SCHIP1: variants seen among roughly 807,000 people sequenced by gnomAD.
The protein encoded by SCHIP1 is schwannomin-interacting protein 1.
Under a neutral mutation model 29.7 loss-of-function variants are expected in SCHIP1, and 8 were observed. The ratio of observed to expected loss-of-function variants is 0.27; its 90% confidence interval spans 0.16 to 0.49. The LOEUF (loss-of-function observed/expected upper bound fraction) is 0.49, where lower values mean the gene tolerates loss of function less well. Among genes scored for constraint, SCHIP1 ranks in the 20% least tolerant of loss-of-function variants. The pLI, the probability that SCHIP1 is intolerant of heterozygous loss-of-function variation, is 0.99. For missense variants in SCHIP1, 193 were observed against 294.6 expected (o/e 0.66, Z 2.52); for synonymous variants, 76 against 94.9 (o/e 0.80, Z 1.16).
the SCHIP1 span, among the ~76,000 whole-genome samples, chr3:159,588,170 G>T: frequency 6.6e-6 from 1 of 152,206 alleles, no homozygotes; most frequent in African/African-American, 2.4e-5. Flanking sequence ...TCTAACTGGT[G>T]TAAGATGGTA....
chr3:159,835,806 G>A (rs1743609755), upstream of SCHIP1, among the ~76,000 whole-genome samples: 2 of 152,050 alleles, frequency 1.3e-5, no homozygotes, highest in Admixed American at 1.3e-4. Context: ...TTTCAAAACT[G>A]TATGCTCGAT....
intron 1 of SCHIP1, among the ~76,000 whole-genome samples, chr3:159,840,881 C>G (rs980545821): frequency 2.0e-5 from 3 of 152,198 alleles, no homozygotes; most frequent in African/African-American, 7.2e-5. Context: ...AACACTTAGA[C>G]AATTTCAAAA....
the SCHIP1 span, among the ~76,000 whole-genome samples, chr3:159,647,766 A>C: frequency 3.3e-4 from 50 of 152,312 alleles, no homozygotes; most frequent in African/African-American, 1.2e-3. Flanking sequence ...ACTTGCTGAC[A>C]GAAACAAAAA....
chr3:159,810,470 A>G, the SCHIP1 span, among the ~76,000 whole-genome samples: 1 of 152,190 alleles, frequency 6.6e-6, no homozygotes, highest in South Asian at 2.1e-4. Flanking sequence ...TTGGCAGTCT[A>G]TCCTCATTCC....
the SCHIP1 span, among the ~76,000 whole-genome samples, chr3:159,780,994 C>T: frequency 1.3e-4 from 20 of 152,270 alleles, no homozygotes; most frequent in African/African-American, 4.6e-4. Flanking sequence ...ATCATCATCT[C>T]CTTATGATTA....
the SCHIP1 span, among the ~76,000 whole-genome samples, chr3:159,596,282 T>TA: frequency 1.3e-5 from 2 of 152,174 alleles, no homozygotes; most frequent in Admixed American, 6.5e-5. Context: ...TGGTGATCAT[T>TA]AAAAAGTCAG....
chr3:159,730,497 T>G, the SCHIP1 span, among the ~76,000 whole-genome samples: 1 of 152,234 alleles, frequency 6.6e-6, no homozygotes, highest in Non-Finnish European at 1.5e-5. Context: ...AAACTTTAAG[T>G]CATTTCTTGT....
intron 1 of SCHIP1, among the ~76,000 whole-genome samples, chr3:159,855,790 C>G (rs1428586983): frequency 6.6e-6 from 1 of 151,916 alleles, no homozygotes; most frequent in East Asian, 1.9e-4. Context: ...TAATAAATAC[C>G]ACATGTGTAT....
chr3:159,280,719 C>A, the SCHIP1 span, among the ~76,000 whole-genome samples: 1 of 152,102 alleles, frequency 6.6e-6, no homozygotes, highest in Non-Finnish European at 1.5e-5. Flanking sequence ...GCTTTGAGGG[C>A]TTTTGGAATT....
At chr3:159,783,567 T>C in the SCHIP1 span, among the ~76,000 whole-genome samples, 1 of 152,228 alleles carries the variant, frequency 6.6e-6, no homozygotes, top group Non-Finnish European at 1.5e-5. Flanking sequence ...TGATTTGAAA[T>C]ATTTTTATGC....
At chr3:159,763,537 C>T in the SCHIP1 span, among the ~76,000 whole-genome samples, 4 of 152,184 alleles carry the variant, frequency 2.6e-5, no homozygotes, top group Non-Finnish European at 4.4e-5. Context: ...TCTTTTGGGC[C>T]TATCTTGGCC....
chr3:159,389,516 C>A, the SCHIP1 span, among the ~76,000 whole-genome samples: 2 of 151,954 alleles, frequency 1.3e-5, no homozygotes, highest in African/African-American at 4.8e-5. Context: ...TTTGACTTAG[C>A]AATTCCACTT....
chr3:159,893,972 A>T (rs1290787308), intron 6 of SCHIP1: 1 of 152,224 alleles, frequency 6.6e-6, no homozygotes, highest in Non-Finnish European at 1.5e-5. Flanking sequence ...CAGAAGGCGG[A>T]GGGGGTGGCT....
the SCHIP1 span, among the ~76,000 whole-genome samples, chr3:159,347,518 T>C: frequency 6.6e-6 from 1 of 152,224 alleles, no homozygotes; most frequent in Non-Finnish European, 1.5e-5. Flanking sequence ...TATTTTGTAA[T>C]GGTCAGAATG....
the SCHIP1 span, among the ~76,000 whole-genome samples, chr3:159,630,432 T>A: frequency 6.6e-6 from 1 of 152,058 alleles, no homozygotes; most frequent in South Asian, 2.1e-4. Flanking sequence ...CAAATGCCCA[T>A]CAACCAACGA....
At chr3:159,291,358 T>A in the SCHIP1 span, among the ~76,000 whole-genome samples, 2 of 151,988 alleles carry the variant, frequency 1.3e-5, no homozygotes, top group Non-Finnish European at 2.9e-5. Flanking sequence ...TATGAAAAAA[T>A]TAAGCATATA....
At chr3:159,382,892 G>A in the SCHIP1 span, among the ~76,000 whole-genome samples, 1 of 151,920 alleles carries the variant, frequency 6.6e-6, no homozygotes, top group Non-Finnish European at 1.5e-5. Context: ...TTTTTTGGCT[G>A]CATTAATGTC....
At chr3:159,666,542 A>C in the SCHIP1 span, among the ~76,000 whole-genome samples, 2 of 152,228 alleles carry the variant, frequency 1.3e-5, no homozygotes, top group African/African-American at 4.8e-5. Context: ...ACATAGGTTC[A>C]CATAAATAGA....
chr3:159,509,448 G>C, the SCHIP1 span, among the ~76,000 whole-genome samples: 9 of 152,088 alleles, frequency 5.9e-5, no homozygotes, highest in Non-Finnish European at 1.0e-4. Flanking sequence ...CTTTTAATTG[G>C]AGCATTTAGC....
Sources: allele counts gnomAD v4.1 joint callset (sites outside exome capture counted in the v4.1 genomes callset), GRCh38; gene constraint gnomAD v4.1.1; transcripts MANE v1.5; gene names NCBI Gene and HGNC (gene_info 2026-07-23, HGNC 2026-07-21).